Variants in NTN1 observed in about 807,000 individuals in gnomAD.
NTN1 encodes the protein netrin-1.
Under a neutral mutation model 54.2 loss-of-function variants are expected in NTN1, and 11 were observed. That is an observed-to-expected ratio of 0.20 (90% CI 0.13 to 0.34). NTN1 has a LOEUF of 0.34. NTN1 is among the 10% of genes least tolerant of loss of function. The probability of loss-of-function intolerance (pLI) is 1.00; values close to 1 mark genes in which losing one functional copy is unlikely to be tolerated. For synonymous variants in NTN1, 371 were observed against 382.0 expected, an observed-to-expected ratio of 0.97 and a Z score of 0.33; for missense variants, 740 against 893.1, an observed-to-expected ratio of 0.83 and a Z score of 2.18.
intron 2 of NTN1, among the ~76,000 whole-genome samples, chr17:9,132,456 CCTT>C (rs2092268801): frequency 6.6e-6 from 1 of 152,216 alleles, no homozygotes; most frequent in Non-Finnish European, 1.5e-5. Flanking sequence ...CATGCCTACT[CCTT>C]TGCTAGAATA....
chr17:9,065,634 G>T (rs139833322), intron 2 of NTN1, among the ~76,000 whole-genome samples: 2 of 152,164 alleles, frequency 1.3e-5, no homozygotes, highest in Admixed American at 6.5e-5. Flanking sequence ...TTGCGATGCC[G>T]TGCCCCAGCC....
intron 2 of NTN1, among the ~76,000 whole-genome samples, chr17:9,085,852 C>T (rs375539254): frequency 9.9e-5 from 15 of 152,246 alleles, no homozygotes; most frequent in East Asian, 3.9e-4. Context: ...GACCAAAGCT[C>T]CAGTTCTCGG....
At chr17:9,176,591 C>T (rs1024712824) in intron 3 of NTN1, 2 of 152,184 alleles carry the variant, frequency 1.3e-5, no homozygotes, top group Admixed American at 6.5e-5. Flanking sequence ...AGACTTTGCA[C>T]AGGGTATAAT....
intron 3 of NTN1, chr17:9,171,883 C>CT (rs11429901): frequency 0.28 from 28,321 of 101,554 alleles, 5,351 homozygotes; most frequent in East Asian, 0.58. Flanking sequence ...ATCAGGCTCA[C>CT]TTTTTTTTTT....
Position 9,140,442 on chromosome 17 carries a change from G to T in NTN1, c.1019-22371G>T, listed in dbSNP as rs573467502. On this transcript the variant is annotated intron_variant, in intron 2 of 6. Coordinates refer to ENST00000173229, the MANE Select transcript of NTN1 (RefSeq NM_004822.3). Reference sequence around the variant, plus strand: ...ACTTGAAATAAAAAAATGCATCTCTGAGCTGGCATTTGTTGAGTTCCCCAG... The same window carrying T: ...ACTTGAAATAAAAAAATGCATCTCTTAGCTGGCATTTGTTGAGTTCCCCAG... 4.6e-5 allele frequency among the ~76,000 whole-genome samples: 7 copies of T among 152,324 alleles called. No individual in the cohort carries two copies. In the East Asian group the frequency reaches 1.3e-3, roughly 29 times the overall value.
intron 4 of NTN1, among the ~76,000 whole-genome samples, chr17:9,180,239 G>C (rs9906631): frequency 6.6e-6 from 1 of 152,112 alleles, no homozygotes; most frequent in Non-Finnish European, 1.5e-5. Flanking sequence ...GGATTTCGCT[G>C]TGTTGGCCAG....
At chr17:9,042,012 GAA>G (rs577648784) in intron 2 of NTN1, among the ~76,000 whole-genome samples, 4 of 116,276 alleles carry the variant, frequency 3.4e-5, no homozygotes. Context: ...CTGTCAAAAA[GAA>G]AAAAAAAAAA....
chr17:9,135,112 C>T lies in NTN1; in HGVS notation c.1019-27701C>T, dbSNP rs183733408. Among the ~76,000 whole-genome samples, 6 of 152,240 alleles carry T rather than the reference C, an allele frequency of 3.9e-5. No individual in the cohort carries two copies. Among genetic ancestry groups the T allele is most frequent in the Non-Finnish European group, 1.5e-5 (1 of 68,016 alleles). ...TCCACACCGAGGGCCCGGTAAGGCA[C>T]ATTGTCCCCCAGCCCCTGATGCTCC... On this transcript the variant is annotated intron_variant, in intron 2 of 6. Transcript: ENST00000173229. The surrounding 1 kb of genome is among the most constrained non-coding windows in gnomAD (Gnocchi z 4.4).
At chr17:9,154,641 G>A (rs936809582) in intron 2 of NTN1, among the ~76,000 whole-genome samples, 1 of 152,108 alleles carries the variant, frequency 6.6e-6, no homozygotes, top group East Asian at 1.9e-4. Context: ...ACGCTGAAAA[G>A]GGGGCTCAGA....
chr17:9,047,292 A>G (rs2091944255), intron 2 of NTN1, among the ~76,000 whole-genome samples: 2 of 152,218 alleles, frequency 1.3e-5, no homozygotes, highest in African/African-American at 4.8e-5. Context: ...GCATAATAGT[A>G]TTTTACCCAC....
intron 2 of NTN1, among the ~76,000 whole-genome samples, chr17:9,122,595 G>A (rs1238514792): frequency 1.3e-5 from 2 of 152,178 alleles, no homozygotes; most frequent in East Asian, 3.8e-4. Context: ...TTGTGCTTTT[G>A]TTTCTGCTTA....
intron 2 of NTN1, among the ~76,000 whole-genome samples, chr17:9,107,694 C>T (rs1157235185): frequency 6.6e-6 from 1 of 152,174 alleles, no homozygotes; most frequent in Non-Finnish European, 1.5e-5. Flanking sequence ...TGGCTGGCCA[C>T]CTACTTTTGT....
chr17:9,205,134 C>T (rs1437736813), intron 5 of NTN1, among the ~76,000 whole-genome samples: 1 of 152,200 alleles, frequency 6.6e-6, no homozygotes, highest in Non-Finnish European at 1.5e-5. Flanking sequence ...GCAGCAACTT[C>T]TTGAATGTGG....
At chr17:9,137,599 C>T (rs1219625964) in intron 2 of NTN1, among the ~76,000 whole-genome samples, 1 of 152,116 alleles carries the variant, frequency 6.6e-6, no homozygotes, top group African/African-American at 2.4e-5. Flanking sequence ...TCGAGACCAG[C>T]CTGGCCAACA....
intron 2 of NTN1, among the ~76,000 whole-genome samples, chr17:9,132,003 T>C (rs2092267266): frequency 6.6e-6 from 1 of 150,800 alleles, no homozygotes; most frequent in African/African-American, 2.4e-5. Flanking sequence ...TGGTAGAAAC[T>C]GGGTTTCACT....
At chr17:9,183,028 T>C (rs2092423471) in intron 5 of NTN1, 59 bp downstream of exon 5, 1 of 1,331,808 alleles carries the variant, frequency 7.5e-7, no homozygotes, top group Non-Finnish European at 1.1e-6. Flanking sequence ...GGTGGTGGGG[T>C]GGGTTAATGG....
intron 5 of NTN1, among the ~76,000 whole-genome samples, chr17:9,193,935 A>AC (rs1555574988): frequency 1.5e-4 from 18 of 123,632 alleles, no homozygotes; most frequent in South Asian, 7.9e-4. Flanking sequence ...AAAAAAAAAA[A>AC]AAAAAAAAAC....
At chr17:9,139,868 C>T (rs1382996599) in intron 2 of NTN1, among the ~76,000 whole-genome samples, 1 of 151,794 alleles carries the variant, frequency 6.6e-6, no homozygotes, top group Non-Finnish European at 1.5e-5. Context: ...ATCTATCCAT[C>T]GATTCCTCCA....
At chr17:9,075,357 C>G (rs2092045908) in intron 2 of NTN1, among the ~76,000 whole-genome samples, 2 of 152,062 alleles carry the variant, frequency 1.3e-5, no homozygotes, top group Non-Finnish European at 2.9e-5. Flanking sequence ...CGGTGGGCAC[C>G]TGTAATCCCA....
Sources: allele counts gnomAD v4.1 joint callset (sites outside exome capture counted in the v4.1 genomes callset), GRCh38; gene constraint gnomAD v4.1.1; non-coding constraint Gnocchi (gnomAD v3.1); transcripts MANE v1.5; gene names NCBI Gene and HGNC (gene_info 2026-07-23, HGNC 2026-07-21).